DACH2: variants seen among roughly 807,000 people sequenced by gnomAD.
DACH2 encodes the protein dachshund homolog 2.
In DACH2, 17 loss-of-function variants were observed where a neutral mutation model predicts 35.8. That is an observed-to-expected ratio of 0.48 (90% confidence interval 0.33 to 0.71). DACH2 has a LOEUF of 0.71. Among genes scored for constraint, DACH2 ranks in the 30% least tolerant of loss-of-function variants. The pLI, the probability that DACH2 is intolerant of heterozygous loss-of-function variation, is 0.02. For synonymous variants in DACH2, 195 were observed against 177.3 expected (o/e 1.10, Z -0.79); for missense variants, 469 against 472.7 (o/e 0.99, Z 0.07).
intron 1 of DACH2, among the ~76,000 whole-genome samples, chrX:86,324,214 A>G (rs942009015): frequency 3.6e-5 from 4 of 111,881 alleles, no homozygotes; most frequent in Non-Finnish European, 7.5e-5. Flanking sequence ...ATCTCCTATA[A>G]CAGTAGAAAG....
intron 4 of DACH2, among the ~76,000 whole-genome samples, chrX:86,664,666 T>C (rs1421901293): frequency 8.9e-6 from 1 of 112,071 alleles, no homozygotes; most frequent in African/African-American, 3.2e-5. Flanking sequence ...TGCACTGACA[T>C]GTTAAAAGAA....
chrX:86,445,957 C>A (rs1247223878), intron 2 of DACH2, among the ~76,000 whole-genome samples: 4 of 111,407 alleles, frequency 3.6e-5, no homozygotes, highest in Admixed American at 2.9e-4. Flanking sequence ...ACGTTGATGT[C>A]CCCTACTAGT....
intron 7 of DACH2, among the ~76,000 whole-genome samples, chrX:86,809,991 T>C (rs1296256588): frequency 1.8e-5 from 2 of 111,452 alleles, no homozygotes; most frequent in Non-Finnish European, 3.8e-5. Flanking sequence ...CTAGGTCTGA[T>C]GAAATATGAT....
rs764961620 is a variant in DACH2 at position 86,354,833 on chromosome X, TA to T, written c.489-21982del. Among the ~76,000 whole-genome samples the T allele has an allele frequency of 1.8e-3, 23 of 12,867 alleles. 9 individuals are homozygous for T. Among genetic ancestry groups the T allele is most frequent in the Admixed American group, 4.1e-3 (3 of 729 alleles). The allele number at this position is 12,867 out of a possible 115,157, so 11.2% of individuals were successfully genotyped here. ...TTAGAGTATAATAAAAAAAATAAAA[TA>T]AAAAAAAATAAATGAAAAAAAAAAA... On this transcript the variant is annotated intron_variant, in intron 1 of 11. Transcript: ENST00000373125.
chrX:86,245,695 A>G (rs1199483788), intron 1 of DACH2, among the ~76,000 whole-genome samples: 1 of 111,896 alleles, frequency 8.9e-6, no homozygotes, highest in Non-Finnish European at 1.9e-5. Flanking sequence ...AAACAGCAAC[A>G]TTAAAGATTA....
intron 4 of DACH2, among the ~76,000 whole-genome samples, chrX:86,692,886 T>C (rs2041025792): frequency 8.9e-6 from 1 of 112,269 alleles, no homozygotes; most frequent in Non-Finnish European, 1.9e-5. Context: ...GGCCTAATGT[T>C]TCTATAAAGA....
chrX:86,388,829 A>C (rs577129823), intron 2 of DACH2, among the ~76,000 whole-genome samples: 4 of 111,923 alleles, frequency 3.6e-5, no homozygotes, highest in African/African-American at 9.7e-5. Flanking sequence ...ATGGTGGCCT[A>C]ACATTTTCCA....
At chrX:86,306,699 T>C (rs1490309174) in intron 1 of DACH2, among the ~76,000 whole-genome samples, 2 of 111,923 alleles carry the variant, frequency 1.8e-5, no homozygotes, top group African/African-American at 6.5e-5. Flanking sequence ...TTTTGCAACT[T>C]GGACTGGCTC....
At chrX:86,281,752 C>T (rs2034033790) in intron 1 of DACH2, among the ~76,000 whole-genome samples, 1 of 111,895 alleles carries the variant, frequency 8.9e-6, no homozygotes, top group African/African-American at 3.3e-5. Context: ...TTAGAAAACC[C>T]CATCGTCTCA....
intron 7 of DACH2, among the ~76,000 whole-genome samples, chrX:86,755,069 C>T (rs759534177): frequency 2.7e-5 from 3 of 111,294 alleles, no homozygotes; most frequent in East Asian, 5.7e-4. Context: ...CCCTTTTCTC[C>T]GCATCCTTGC....
intron 2 of DACH2, among the ~76,000 whole-genome samples, chrX:86,421,446 G>C (rs1481983401): frequency 9.0e-6 from 1 of 111,412 alleles, no homozygotes; most frequent in Admixed American, 9.6e-5. Flanking sequence ...ACTCATTTGA[G>C]TGGTACCTTG....
intron 3 of DACH2, among the ~76,000 whole-genome samples, chrX:86,534,944 T>G (rs767799127): frequency 3.6e-5 from 4 of 111,793 alleles, no homozygotes; most frequent in Non-Finnish European, 7.5e-5. Context: ...CAAATTTGCA[T>G]TGATCATCAA....
At position 86,312,709 on chromosome X, in the gene DACH2, G is replaced by A. The variant is rs145375325; in HGVS notation, c.489-64115G>A. On this transcript the variant is annotated intron_variant, in intron 1 of 11. Coordinates refer to ENST00000373125, the MANE Select transcript of DACH2 (RefSeq NM_053281.3). ...TTTTCTCCCTTGCTGGATGCTCCCC[G>A]CTCTTGAATATTGGACTCCAATTTC... is the stretch of plus-strand genomic sequence containing the variant. Among the ~76,000 whole-genome samples the A allele has an allele frequency of 1.9e-4, 21 of 111,797 alleles. No individual in the cohort carries two copies. The East Asian group carries it at 5.3e-3, about 28-fold the overall frequency.
intron 3 of DACH2, among the ~76,000 whole-genome samples, chrX:86,576,055 C>T (rs1174626235): frequency 8.9e-6 from 1 of 112,032 alleles, no homozygotes; most frequent in African/African-American, 3.2e-5. Flanking sequence ...TTTCTTCATC[C>T]ATTCATTCAT....
At chrX:86,473,244 TAGTA>T (rs1055893613) in intron 2 of DACH2, among the ~76,000 whole-genome samples, 15 of 111,122 alleles carry the variant, frequency 1.3e-4, no homozygotes, top group African/African-American at 4.2e-4. Flanking sequence ...TATGGGTACA[TAGTA>T]AGTATATATA....
chrX:86,226,160 C>T (rs2032819084), intron 1 of DACH2, among the ~76,000 whole-genome samples: 1 of 97,729 alleles, frequency 1.0e-5, no homozygotes, highest in Non-Finnish European at 1.9e-5. Flanking sequence ...CAGGACTGTT[C>T]AGAAGTTTTC....
intron 5 of DACH2, among the ~76,000 whole-genome samples, chrX:86,705,063 A>ATATATCTTACATATATATATATATATATC (rs59432076): frequency 1.3e-4 from 14 of 104,650 alleles, no homozygotes; most frequent in African/African-American, 5.0e-4. Flanking sequence ...ATATATATAT[A>ATATATCTTACATATATATATATATATATC]TATCTCACAT....
At chrX:86,443,095 T>A (rs1010385872) in intron 2 of DACH2, among the ~76,000 whole-genome samples, 1 of 111,976 alleles carries the variant, frequency 8.9e-6, no homozygotes, top group African/African-American at 3.2e-5. Context: ...AGAATTTTTA[T>A]CTATTTCCAT....
intron 1 of DACH2, among the ~76,000 whole-genome samples, chrX:86,208,915 A>T (rs2032380214): frequency 9.0e-6 from 1 of 111,534 alleles, no homozygotes; most frequent in Non-Finnish European, 1.9e-5. Flanking sequence ...TGCTTTAGGT[A>T]CAGTGCAGGA....
Sources: allele counts gnomAD v4.1 joint callset (sites outside exome capture counted in the v4.1 genomes callset), GRCh38; gene constraint gnomAD v4.1.1; transcripts MANE v1.5; gene names NCBI Gene and HGNC (gene_info 2026-07-23, HGNC 2026-07-21).